ZC3H3: variants seen among roughly 807,000 people sequenced by gnomAD.
The protein encoded by ZC3H3 is zinc finger CCCH-type containing 3.
A neutral mutation model predicts 77.3 loss-of-function variants in ZC3H3; 36 were observed. The observed-to-expected ratio is 0.47, with a 90% confidence interval of 0.36 to 0.61. The LOEUF is 0.61. ZC3H3 is among the 20% of genes least tolerant of loss of function. ZC3H3 has a pLI of 0.00. For synonymous variants in ZC3H3, 626 were observed against 555.2 expected (o/e 1.13, Z -1.79); for missense variants, 1,331 against 1,312.2 (o/e 1.01, Z -0.22).
chr8:143,505,462 G>A (rs1013083054), intron 4 of ZC3H3, among the ~76,000 whole-genome samples: 3 of 152,194 alleles, frequency 2.0e-5, no homozygotes, highest in East Asian at 1.9e-4. Context: ...ATGCTGGGAC[G>A]CAGGTGGCAG....
chr8:143,475,360 C>T (rs545282528), intron 5 of ZC3H3, 38 bp downstream of exon 5: 29 of 1,590,468 alleles, frequency 1.8e-5, no homozygotes, highest in Non-Finnish European at 2.2e-5. Context: ...GCTAGCCGGT[C>T]GGTGTCATCT....
rs1402352258 is a variant in ZC3H3 at position 143,440,515 on chromosome 8, C to T, written c.2493-152G>A. On this transcript the variant is annotated intron_variant, in intron 10 of 11. Coordinates refer to ENST00000262577, the MANE Select transcript of ZC3H3 (RefSeq NM_015117.3). ...GCACAGGTCAGGCCTGGCCCTTGGC[C>T]GCAAGGACAGGCTGGGTGCAGGGAT... The T allele has an allele frequency of 7.9e-6, 11 of 1,384,456 alleles. No homozygotes were observed. The East Asian group carries it at 1.5e-4, about 19-fold the overall frequency. The allele number at this position is 1,384,456 out of a possible 1,614,324, so 85.8% of individuals were successfully genotyped here. A position where few individuals can be genotyped will look rare whatever the true frequency, so the allele number is the denominator to read the frequency against.
chr8:143,497,068 C>T (rs896323312), intron 4 of ZC3H3, among the ~76,000 whole-genome samples: 10 of 152,242 alleles, frequency 6.6e-5, no homozygotes, highest in African/African-American at 2.4e-4. Context: ...ACTGCAAATG[C>T]GATAAAATAT....
At chr8:143,515,141 T>G (rs150913067) in intron 3 of ZC3H3, among the ~76,000 whole-genome samples, 7 of 152,316 alleles carry the variant, frequency 4.6e-5, no homozygotes, top group African/African-American at 1.7e-4. Flanking sequence ...AGGCCTGCCA[T>G]GGGGCTCCCG....
chr8:143,504,970 C>T (rs1221517186), intron 4 of ZC3H3, among the ~76,000 whole-genome samples: 3 of 152,216 alleles, frequency 2.0e-5, no homozygotes, highest in African/African-American at 4.8e-5. Flanking sequence ...GGGCAAGAGG[C>T]CTAGATGACT....
intron 9 of ZC3H3, among the ~76,000 whole-genome samples, chr8:143,447,748 C>T (rs989967654): frequency 1.5e-4 from 23 of 152,046 alleles, no homozygotes; most frequent in African/African-American, 5.1e-4. Context: ...CGAGAGAGAG[C>T]GGGGCAGATG....
At chr8:143,508,426 C>G (rs1246788741) in intron 3 of ZC3H3, among the ~76,000 whole-genome samples, 1 of 152,252 alleles carries the variant, frequency 6.6e-6, no homozygotes, top group Non-Finnish European at 1.5e-5. Flanking sequence ...TGTGCCCAGA[C>G]AGACTTATGT....
chr8:143,492,512 C>T (rs866352089), intron 4 of ZC3H3, among the ~76,000 whole-genome samples: 3 of 152,332 alleles, frequency 2.0e-5, no homozygotes, highest in South Asian at 4.1e-4. Context: ...GCGTCAGGAA[C>T]GGAGCCAGCA....
intron 4 of ZC3H3, among the ~76,000 whole-genome samples, chr8:143,483,136 G>C (rs999539521): frequency 1.3e-5 from 2 of 152,248 alleles, no homozygotes; most frequent in Admixed American, 6.5e-5. Context: ...CAGCAGAAGA[G>C]GAGCGGCCGG....
At chr8:143,461,108 T>C (rs565314662) in intron 9 of ZC3H3, among the ~76,000 whole-genome samples, 3 of 152,194 alleles carry the variant, frequency 2.0e-5, no homozygotes, top group African/African-American at 4.8e-5. Flanking sequence ...ATGTTATATA[T>C]ATTTTACCAC....
chr8:143,440,266 A>C lies in ZC3H3; in HGVS notation c.2590T>G (p.Ser864Ala). ...GCCTTCGAGGATGAGGGAGAGGCTG[A>C]CCCCCCTGGGCAGTGGGGAGGTGCA... ...VAAPPHCPGG[S>A]ASPSSSKASS... Residue 864 changes from serine to alanine, a missense_variant, in exon 11 of 12, where the codon TCA (serine) becomes GCA (alanine). This residue lies in a region of ZC3H3 where 249 missense variants were observed against 236.9 expected (regional missense o/e 1.05). Transcript: ENST00000262577. 1.3e-6 allele frequency: 2 copies of C among 1,585,916 alleles called. No individual in the cohort carries two copies. The highest frequency in any genetic ancestry group is 1.7e-6 in the Non-Finnish European group (2 of 1,167,318).
At chr8:143,504,856 C>T (rs1443371063) in intron 4 of ZC3H3, among the ~76,000 whole-genome samples, 5 of 152,206 alleles carry the variant, frequency 3.3e-5, no homozygotes, top group African/African-American at 4.8e-5. Context: ...CTGTTGGCCT[C>T]GTCCATCTCC....
intron 5 of ZC3H3, among the ~76,000 whole-genome samples, chr8:143,473,287 C>T (rs756228315): frequency 5.9e-5 from 9 of 152,162 alleles, no homozygotes; most frequent in Admixed American, 2.0e-4. Context: ...TGCATGGCGG[C>T]CTCAGGATGC....
chr8:143,506,067 C>A (rs1009070982), intron 4 of ZC3H3, among the ~76,000 whole-genome samples: 118 of 152,364 alleles, frequency 7.7e-4, no homozygotes, highest in Non-Finnish European at 1.0e-3. Context: ...CTCCTCCTCC[C>A]GGCCTCCTCA....
At chr8:143,452,545 T>C (rs957129523) in intron 9 of ZC3H3, among the ~76,000 whole-genome samples, 6 of 152,130 alleles carry the variant, frequency 3.9e-5, no homozygotes, top group Non-Finnish European at 5.9e-5. Flanking sequence ...AATTATTTCA[T>C]AAAGACAGAA....
At chr8:143,503,391 G>A (rs908102039) in intron 4 of ZC3H3, among the ~76,000 whole-genome samples, 3 of 152,094 alleles carry the variant, frequency 2.0e-5, no homozygotes, top group Non-Finnish European at 2.9e-5. Flanking sequence ...GCAGCACACA[G>A]AAGCCCCAGA....
chr8:143,496,702 C>G (rs923386856), intron 4 of ZC3H3, among the ~76,000 whole-genome samples: 2 of 151,964 alleles, frequency 1.3e-5, no homozygotes, highest in African/African-American at 4.8e-5. Flanking sequence ...CTCCCTCAGT[C>G]CTCACACTTT....
Position 143,538,401 on chromosome 8 carries a change from C to A in ZC3H3, c.966G>T (p.Arg322=). The change falls in exon 2 of 12, where the codon CGG becomes CGT. Residue 322 remains arginine (R), a synonymous_variant. Coordinates refer to ENST00000262577, the MANE Select transcript of ZC3H3 (RefSeq NM_015117.3). ...TGGGACTGAGGGCCCTCCGAGCAAC[C>A]CGGGGACTCTTCGAGGAGGCAGCCA... ...KWVAASSKSP[R]VARRALSPRV... is the part of the protein sequence containing the mutation. 6.2e-7 allele frequency: 1 copy of A among 1,613,256 alleles called. No homozygotes were observed. Among genetic ancestry groups the A allele is most frequent in the Middle Eastern group, 1.6e-4 (1 of 6,062 alleles).
chr8:143,463,062 C>T (rs1032202623), intron 9 of ZC3H3, among the ~76,000 whole-genome samples: 6 of 151,686 alleles, frequency 4.0e-5, no homozygotes, highest in Non-Finnish European at 5.9e-5. Flanking sequence ...CAGCTCACCA[C>T]AACCTCCACC....
Sources: gnomAD v4.1 joint callset for allele counts (sites outside exome capture counted in the v4.1 genomes callset) on GRCh38, gnomAD v4.1.1 for gene constraint, gnomAD v4.1.1 regional missense constraint, MANE v1.5 for transcripts, NCBI Gene and HGNC (gene_info 2026-07-23, HGNC 2026-07-21) for gene names.